The following GRB7 variants were observed in gnomAD, a reference collection of about 807,000 sequenced individuals.
GRB7 encodes the protein growth factor receptor bound protein 7.
In GRB7, 47 loss-of-function variants were observed where a neutral mutation model predicts 64.1. The ratio of observed to expected loss-of-function variants is 0.73; its 90% CI spans 0.58 to 0.94. GRB7 has a LOEUF of 0.94. Ranked by LOEUF, GRB7 falls within the 40% of genes least tolerant of loss-of-function variation. The probability of loss-of-function intolerance (pLI) is 0.00; values close to 1 mark genes in which losing one functional copy is unlikely to be tolerated. For synonymous variants in GRB7, 277 were observed against 279.9 expected, an observed-to-expected ratio of 0.99 and a Z score of 0.10; for missense variants, 634 against 718.4, an observed-to-expected ratio of 0.88 and a Z score of 1.34.
chr17:39,744,397 C>T, intron 7 of GRB7, 156 bp from the exon 8 acceptor site: 2 of 853,508 alleles, frequency 2.3e-6, no homozygotes, highest in Non-Finnish European at 3.7e-6. Context: ...AAAAGATGAT[C>T]TTAGTTTAAG....
chr17:39,745,961 A>C lies in GRB7; in HGVS notation c.1319A>C (p.Glu440Ala). 1 of 1,614,038 alleles carries C rather than the reference A, an allele frequency of 6.2e-7. No homozygotes were observed. The change falls in exon 13 of 15, where the codon GAG (glutamate) becomes GCG (alanine). Residue 440 changes from glutamate to alanine, a missense_variant. Around this residue, in one of 2 missense-constraint regions of GRB7, gnomAD observed 467 missense variants for 576.6 expected, o/e 0.81. Transcript: ENST00000309156. ...LWFHGRISREESQRLIGQQGL... is the reference protein window; with the variant it reads ...LWFHGRISREASQRLIGQQGL... Reference sequence around the variant, plus strand: ...TTCCACGGGCGCATTTCCCGTGAGGAGAGCCAGCGGCTTATTGGACAGCAG... The same window carrying C: ...TTCCACGGGCGCATTTCCCGTGAGGCGAGCCAGCGGCTTATTGGACAGCAG...
Position 39,743,972 on chromosome 17 carries a change from C to T in GRB7, c.664-98C>T, listed in dbSNP as rs1261713838. 7 of 1,469,612 alleles carry T rather than the reference C, an allele frequency of 4.8e-6. No individual in the cohort carries two copies. The African/African-American group carries it at 9.9e-5, about 21-fold the overall frequency. The allele number at this position is 1,469,612 out of a possible 1,614,324, so 91.0% of individuals were successfully genotyped here. On this transcript the variant is annotated intron_variant, in intron 6 of 14. Coordinates refer to ENST00000309156, the MANE Select transcript of GRB7 (RefSeq NM_005310.5). The stretch of plus-strand genomic sequence containing the variant: ...CGTGCCACCGCACTAGCATGAGACC[C>T]TGTCTCAAAAAGAAAAAGAAAAAGA...
At chr17:39,744,467 C>A in intron 7 of GRB7, 86 bp from the exon 8 acceptor site, 1 of 1,153,936 alleles carries the variant, frequency 8.7e-7, no homozygotes. Flanking sequence ...CTCTCTGGTC[C>A]TGAAATCTCC....
At position 39,745,991 on chromosome 17, in the gene GRB7, T is replaced by C; in HGVS notation, c.1349T>C (p.Leu450Ser). ...ESQRLIGQQGLVDGLFLVRES... is the reference protein window; with the variant it reads ...ESQRLIGQQGSVDGLFLVRES... The stretch of plus-strand genomic sequence containing the variant: ...CAGCGGCTTATTGGACAGCAGGGCT[T>C]GGTAGACGGGTAAGGGGCAGGGCCG... The change falls in exon 13 of 15, where the codon TTG becomes TCG. Residue 450 changes from leucine (L) to serine (S), a missense_variant. Transcript: ENST00000309156. 6.2e-7 allele frequency: 1 copy of C among 1,613,994 alleles called. No individual in the cohort carries two copies. Among genetic ancestry groups the C allele is most frequent in the Non-Finnish European group, 8.5e-7 (1 of 1,179,930 alleles).
At chr17:39,739,310 C>A (rs922671323) in intron 1 of GRB7, among the ~76,000 whole-genome samples, 1 of 152,180 alleles carries the variant, frequency 6.6e-6, no homozygotes, top group African/African-American at 2.4e-5. Flanking sequence ...CAGAGACACT[C>A]CAGCATTCTT....
rs565375451 is a variant in GRB7 at position 39,745,437 on chromosome 17, A to G, written c.1108A>G (p.Asn370Asp). The change falls in exon 11 of 15, where the codon AAT (asparagine) becomes GAT (aspartate). Residue 370 changes from asparagine to aspartate, a missense_variant. Physicochemically the swap from Asn to Asp is conservative, Grantham distance 23 (BLOSUM62 1). Transcript: ENST00000309156. Reference protein sequence around the residue: ...GSPPLRSASDNTLVAMDFSGH... With the variant: ...GSPPLRSASDDTLVAMDFSGH... ...CCATCTCCAGAGAAGTGCCTCAGAT[A>G]ATACCCTGGTGGCCATGGACTTCTC... 1.1e-5 allele frequency: 17 copies of G among 1,613,934 alleles called. No homozygotes were observed. Among genetic ancestry groups the G allele is most frequent in the Non-Finnish European group, 1.4e-5 (16 of 1,179,974 alleles).
In GRB7 at chr17:39,746,015, C is replaced by T. The variant is rs368110210; in HGVS notation, c.1358+15C>T. 60 of 1,613,674 alleles carry T rather than the reference C, an allele frequency of 3.7e-5. No homozygotes were observed. In the Admixed American group the frequency reaches 5.5e-4, roughly 15 times the overall value. On this transcript the variant is annotated intron_variant, in intron 13 of 14. Coordinates refer to ENST00000309156, the MANE Select transcript of GRB7 (RefSeq NM_005310.5). Reference sequence around the variant, plus strand: ...TTGGTAGACGGGTAAGGGGCAGGGCCGGGCAACAGACCCAGGGATAAGAGA... The same window carrying T: ...TTGGTAGACGGGTAAGGGGCAGGGCTGGGCAACAGACCCAGGGATAAGAGA...
Position 39,742,564 on chromosome 17 carries a change from A to T in GRB7, c.156-2A>T. Reference sequence around the variant, plus strand: ...CTCTCTCCCTTTTTCTTCTTGCCACAGGAAACTTCGAGAGGAGGAGAGGCG... The same window carrying T: ...CTCTCTCCCTTTTTCTTCTTGCCACTGGAAACTTCGAGAGGAGGAGAGGCG... On this transcript the variant is annotated splice_acceptor_variant, in intron 2 of 14. Transcript: ENST00000309156. LOFTEE classifies it high-confidence loss of function. 6.2e-7 allele frequency: 1 copy of T among 1,613,798 alleles called. No homozygotes were observed. Among genetic ancestry groups the T allele is most frequent in the East Asian group, 2.2e-5 (1 of 44,856 alleles).
In GRB7 at chr17:39,745,287, C is replaced by T. The variant is rs941027453; in HGVS notation, c.1056C>T (p.Arg352=). Residue 352 remains arginine, a synonymous_variant, in exon 10 of 15, where the codon CGC becomes CGT. Coordinates refer to ENST00000309156, the MANE Select transcript of GRB7 (RefSeq NM_005310.5). ...AGAATTACCAGCAGGCACAGTCTCG[C>T]CATCTGCATCCATCTTGTTTGGGCT... is the stretch of plus-strand genomic sequence containing the variant. ...LYKNYQQAQS[R]HLHPSCLGSP... The T allele has an allele frequency of 3.7e-6, 6 of 1,612,664 alleles. No individual in the cohort carries two copies. Among genetic ancestry groups the T allele is most frequent in the Non-Finnish European group, 5.1e-6 (6 of 1,179,190 alleles).
chr17:39,739,912 C>A (rs1178217358), intron 1 of GRB7: 2 of 825,736 alleles, frequency 2.4e-6, no homozygotes, highest in Non-Finnish European at 2.9e-6. Context: ...TTGGTCTTGA[C>A]GATTCCACCC....
chr17:39,743,642 A>T (rs2060016879), intron 6 of GRB7, 172 bp downstream of exon 6: 1 of 630,788 alleles, frequency 1.6e-6, no homozygotes, highest in East Asian at 2.7e-5. Context: ...CTTCTATTAA[A>T]TGGGGGCGAG....
At position 39,745,084 on chromosome 17, in the gene GRB7, C is replaced by T. The variant is rs1344500772; in HGVS notation, c.1011+100C>T. The T allele has an allele frequency of 8.8e-6, 10 of 1,140,236 alleles. No individual in the cohort carries two copies. The Admixed American group carries it at 1.4e-4, about 16-fold the overall frequency. 70.6% of individuals were successfully genotyped at this position (1,140,236 alleles called of 1,614,324 possible). On this transcript the variant is annotated intron_variant, in intron 9 of 14. Coordinates refer to ENST00000309156, the MANE Select transcript of GRB7 (RefSeq NM_005310.5). Reference sequence around the variant, plus strand: ...GAATGAGGAGGGCATCACAGCCTTGCTCTCTGATAACCCCCAGTCCAAGCC... The same window carrying T: ...GAATGAGGAGGGCATCACAGCCTTGTTCTCTGATAACCCCCAGTCCAAGCC...
Position 39,742,288 on chromosome 17 carries a change from C to A in GRB7, c.-14C>A, listed in dbSNP as rs932495906. ...ACAACTGGTTCCGTTAAGCCCCTCT[C>A]TTGCTCAGACGCCATGGAGCTGGAT... is the stretch of plus-strand genomic sequence containing the variant. On this transcript the variant is annotated 5_prime_UTR_variant, in exon 2 of 15. Transcript: ENST00000309156. 6 of 1,613,920 alleles carry A rather than the reference C, an allele frequency of 3.7e-6. No individual in the cohort carries two copies. The highest frequency in any genetic ancestry group is 5.1e-6 in the Non-Finnish European group (6 of 1,179,888).
chr17:39,739,955 G>T, intron 1 of GRB7: 13 of 981,744 alleles, frequency 1.3e-5, no homozygotes, highest in Non-Finnish European at 1.6e-5. Flanking sequence ...GGGCACGGCT[G>T]GGGGGCTCTG....
At position 39,746,654 on chromosome 17, in the gene GRB7, A is replaced by G. The variant is rs1021274852; in HGVS notation, c.1453-97A>G. 1.1e-5 allele frequency: 12 copies of G among 1,128,376 alleles called. No homozygotes were observed. In the Admixed American group the frequency reaches 3.0e-4, roughly 28 times the overall value. 69.9% of individuals were successfully genotyped at this position (1,128,376 alleles called of 1,614,324 possible). On this transcript the variant is annotated intron_variant, in intron 14 of 14. Transcript: ENST00000309156. Reference sequence around the variant, plus strand: ...AGAAAGAAAAAGAAAAAGAAAAAAGAAAAGAATAAAAGGAAATGGTGGGGC... The same window carrying G: ...AGAAAGAAAAAGAAAAAGAAAAAAGGAAAGAATAAAAGGAAATGGTGGGGC...
Position 39,743,485 on chromosome 17 carries a change from C to T in GRB7, c.663+15C>T. The T allele has an allele frequency of 6.2e-7, 1 of 1,601,352 alleles. No homozygotes were observed. The highest frequency in any genetic ancestry group is 8.6e-7 in the Non-Finnish European group (1 of 1,168,416). ...ACCTCATCCAGGTGGGGGGACCCCC[C>T]ATTTCACTGCAGATTCACGACTCCC... On this transcript the variant is annotated intron_variant, in intron 6 of 14. Transcript: ENST00000309156.
intron 1 of GRB7, chr17:39,738,721 C>G: frequency 1.9e-6 from 1 of 521,292 alleles, no homozygotes; most frequent in Non-Finnish European, 3.4e-6. Flanking sequence ...CTCTGGCTCG[C>G]CCAGTTTACC....
Position 39,738,130 on chromosome 17 carries a change from C to T in GRB7, c.-54C>T, listed in dbSNP as rs1180971849. On this transcript the variant is annotated 5_prime_UTR_variant, in exon 1 of 15. Coordinates refer to ENST00000309156, the MANE Select transcript of GRB7 (RefSeq NM_005310.5). The stretch of plus-strand genomic sequence containing the variant: ...TCCTGCTACTCCTGCTGGGGCTCCT[C>T]CAGGTAAGGGGACCGAGATCGGTCT... 6.6e-6 allele frequency: 1 copy of T among 152,300 alleles called. No homozygotes were observed. The highest frequency in any genetic ancestry group is 1.5e-5 in the Non-Finnish European group (1 of 68,098). 9.4% of individuals were successfully genotyped at this position (152,300 alleles called of 1,614,324 possible). A position where few individuals can be genotyped will look rare whatever the true frequency, so the allele number is the denominator to read the frequency against.
chr17:39,743,395 C>T lies in GRB7; in HGVS notation c.588C>T (p.His196=). The T allele has an allele frequency of 1.9e-6, 3 of 1,614,182 alleles. No individual in the cohort carries two copies. The highest frequency in any genetic ancestry group is 1.7e-6 in the Non-Finnish European group (2 of 1,179,992). Residue 196 remains histidine (H), a splice_region_variant and synonymous_variant, in exon 6 of 15, where the codon CAC becomes CAT. Coordinates refer to ENST00000309156, the MANE Select transcript of GRB7 (RefSeq NM_005310.5). ...CCCTGACACTTGTCTACCCACAGCA[C>T]TCCCTGTTCCCAGAAAAAATGGTCT... is the stretch of plus-strand genomic sequence containing the variant. ...AKYELFKSSP[H]SLFPEKMVSS... is the part of the protein sequence containing the mutation.
Sources: allele counts gnomAD v4.1 joint callset (sites outside exome capture counted in the v4.1 genomes callset), GRCh38; gene constraint gnomAD v4.1.1; regional missense constraint gnomAD v4.1.1; transcripts MANE v1.5; gene names NCBI Gene and HGNC (gene_info 2026-07-23, HGNC 2026-07-21).